Variants in ZNF860 observed in about 807,000 individuals in gnomAD.
ZNF860 encodes zinc finger protein 860.
For synonymous variants in ZNF860, 206 were observed against 248.9 expected (o/e 0.83, Z 1.62); for missense variants, 641 against 759.2 (o/e 0.84, Z 1.83).
At chr3:32,004,257 G>A in the ZNF860 span, among the ~76,000 whole-genome samples, 3 of 152,178 alleles carry the variant, frequency 2.0e-5, no homozygotes, top group South Asian at 4.1e-4. Context: ...TGAGTGTCAG[G>A]TGGAGACTTT....
chr3:32,003,915 G>C, the ZNF860 span, among the ~76,000 whole-genome samples: 1 of 152,124 alleles, frequency 6.6e-6, no homozygotes, highest in African/African-American at 2.4e-5. Flanking sequence ...GGGCTCTTTT[G>C]GACTTGTTCA....
the ZNF860 span, among the ~76,000 whole-genome samples, chr3:32,004,654 CA>C: frequency 1.3e-5 from 2 of 152,170 alleles, no homozygotes; most frequent in Non-Finnish European, 1.5e-5. Context: ...AGTTTTCTTT[CA>C]ACAAAACTAT....
the ZNF860 span, among the ~76,000 whole-genome samples, chr3:32,001,246 T>TC: frequency 4.9e-4 from 75 of 152,282 alleles, no homozygotes; most frequent in Non-Finnish European, 7.9e-4. Flanking sequence ...CCTGGATGTG[T>TC]CCCAAGAGAA....
chr3:31,982,241 C>G (rs1698865404), intron 1 of ZNF860, among the ~76,000 whole-genome samples: 1 of 152,174 alleles, frequency 6.6e-6, no homozygotes, highest in African/African-American at 2.4e-5. Context: ...GCCCCTCTTC[C>G]TACCTAAAGA....
At chr3:31,999,464 G>A in the ZNF860 span, among the ~76,000 whole-genome samples, 6 of 150,148 alleles carry the variant, frequency 4.0e-5, no homozygotes, top group Non-Finnish European at 3.0e-5. Context: ...GGGTTCAAGC[G>A]ATTCTTCTGC....
intron 1 of ZNF860, among the ~76,000 whole-genome samples, chr3:31,984,616 T>C (rs1249851781): frequency 6.6e-6 from 1 of 152,160 alleles, no homozygotes; most frequent in Non-Finnish European, 1.5e-5. Context: ...ATGGGGAGGT[T>C]AGAAATCTTG....
intron 1 of ZNF860, among the ~76,000 whole-genome samples, chr3:31,983,995 A>G (rs1040472478): frequency 6.6e-6 from 1 of 151,974 alleles, no homozygotes; most frequent in Admixed American, 6.6e-5. Context: ...ACTCAAATCA[A>G]TCTCCCTGAA....
chr3:31,997,841 G>A, the ZNF860 span, among the ~76,000 whole-genome samples: 35 of 152,220 alleles, frequency 2.3e-4, no homozygotes, highest in Middle Eastern at 6.8e-3. Context: ...GAGTGGGAGT[G>A]CATTGGCACA....
rs748029616 is a variant in ZNF860 at position 31,989,496 on chromosome 3, C to A, written c.417C>A (p.Asp139Glu). The A allele has an allele frequency of 6.2e-7, 1 of 1,614,152 alleles. No homozygotes were observed. ...TCAAAAAGTTGACTGGTAGCACCGA[C>A]AGATATGATCGAAGGCATCCTGGAA... ...TQIKKLTGST[D>E]RYDRRHPGNK... The change falls in exon 2 of 2, where the codon GAC (aspartate) becomes GAA (glutamate). Residue 139 changes from aspartate (D) to glutamate (E), a missense_variant. Transcript: ENST00000360311.
the ZNF860 span, among the ~76,000 whole-genome samples, chr3:31,997,674 A>C: frequency 6.6e-6 from 1 of 152,156 alleles, no homozygotes; most frequent in Non-Finnish European, 1.5e-5. Flanking sequence ...TGCTTACCAC[A>C]AATTTCATCA....
Position 31,989,355 on chromosome 3 carries a change from T to C in ZNF860, c.276T>C (p.His92=). The C allele has an allele frequency of 6.2e-7, 1 of 1,614,156 alleles. No homozygotes were observed. Among genetic ancestry groups the C allele is most frequent in the Non-Finnish European group, 8.5e-7 (1 of 1,180,016 alleles). Residue 92 remains histidine (H), a synonymous_variant, in exon 2 of 2, where the codon CAT becomes CAC. Transcript: ENST00000360311. ...TEVDTGTLER[H]ESHHIGDFCF... Reference sequence around the variant, plus strand: ...TGGACACAGGGACATTAGAAAGACATGAAAGTCATCACATTGGAGATTTTT... The same window carrying C: ...TGGACACAGGGACATTAGAAAGACACGAAAGTCATCACATTGGAGATTTTT...
At position 31,990,642 on chromosome 3, in the gene ZNF860, A is replaced by G. The variant is rs1699016145; in HGVS notation, c.1563A>G (p.Gln521=). ...KCNECGKVFN[Q]QATLARHHRL... is the part of the protein sequence containing the mutation. ...ATGAATGTGGCAAGGTTTTTAATCA[A>G]CAAGCAACCCTTGCACGTCATCATA... The change falls in exon 2 of 2, where the codon CAA becomes CAG. Residue 521 remains glutamine, a synonymous_variant. Coordinates refer to ENST00000360311, the MANE Select transcript of ZNF860 (RefSeq NM_001137674.3). 4 of 1,614,078 alleles carry G rather than the reference A, an allele frequency of 2.5e-6. No individual in the cohort carries two copies. The highest frequency in any genetic ancestry group is 3.4e-6 in the Non-Finnish European group (4 of 1,179,988).
downstream of ZNF860, among the ~76,000 whole-genome samples, chr3:31,993,435 T>C (rs57035518): frequency 0.35 from 52,542 of 151,744 alleles, 12,728 homozygotes; most frequent in African/African-American, 0.68. Context: ...TTCAAACTCC[T>C]GACCTCAGGT....
In ZNF860 at chr3:31,989,394, T is replaced by G; in HGVS notation, c.315T>G (p.Ile105Met). 6.2e-7 allele frequency: 1 copy of G among 1,614,080 alleles called. No individual in the cohort carries two copies. Among genetic ancestry groups the G allele is most frequent in the Non-Finnish European group, 8.5e-7 (1 of 1,179,998 alleles). Residue 105 changes from isoleucine (I) to methionine (M), a missense_variant, in exon 2 of 2, where the codon ATT (isoleucine) becomes ATG (methionine). By Grantham distance (10) the Ile-to-Met change is conservative. Coordinates refer to ENST00000360311, the MANE Select transcript of ZNF860 (RefSeq NM_001137674.3). ...HHIGDFCFQKIGKDIHDFEFQ... is the reference protein window; with the variant it reads ...HHIGDFCFQKMGKDIHDFEFQ... ...TTGGAGATTTTTGCTTCCAGAAAAT[T>G]GGGAAAGATATTCATGACTTTGAGT... is the stretch of plus-strand genomic sequence containing the variant.
chr3:31,982,918 C>T (rs1267531074), intron 1 of ZNF860, among the ~76,000 whole-genome samples: 2 of 152,184 alleles, frequency 1.3e-5, no homozygotes, highest in Non-Finnish European at 2.9e-5. Flanking sequence ...GGAATGTGAA[C>T]AGAAGTAATG....
chr3:31,999,728 C>T, the ZNF860 span, among the ~76,000 whole-genome samples: 4 of 152,140 alleles, frequency 2.6e-5, no homozygotes, highest in Non-Finnish European at 5.9e-5. Context: ...AATATGGCTG[C>T]CTCTGCTATG....
rs529743590 is a variant in ZNF860, at chr3:31,988,936, C to G, written c.-144C>G. The G allele has an allele frequency of 3.7e-6, 4 of 1,074,662 alleles. No homozygotes were observed. The highest frequency in any genetic ancestry group is 5.3e-5 in the Admixed American group (2 of 37,542). 66.6% of individuals were successfully genotyped at this position (1,074,662 alleles called of 1,614,324 possible). On this transcript the variant is annotated 5_prime_UTR_variant, in exon 2 of 2. Coordinates refer to ENST00000360311, the MANE Select transcript of ZNF860 (RefSeq NM_001137674.3). ...AGTGCCTCCAAACCCCGACCCACAGCGACTGTGAGATAATCAGTGTTTGTT... is the reference window on the plus strand; with the variant it reads ...AGTGCCTCCAAACCCCGACCCACAGGGACTGTGAGATAATCAGTGTTTGTT...
At chr3:32,005,460 C>G in the ZNF860 span, among the ~76,000 whole-genome samples, 2 of 146,216 alleles carry the variant, frequency 1.4e-5, no homozygotes, top group Non-Finnish European at 3.1e-5. Flanking sequence ...GCAAGTTTCT[C>G]TGGAGCATTT....
At chr3:32,005,077 T>C in the ZNF860 span, among the ~76,000 whole-genome samples, 1 of 152,194 alleles carries the variant, frequency 6.6e-6, no homozygotes, top group Non-Finnish European at 1.5e-5. Context: ...TTTATTATTT[T>C]ACTTTAAGTT....
Sources: allele counts gnomAD v4.1 joint callset (sites outside exome capture counted in the v4.1 genomes callset), GRCh38; gene constraint gnomAD v4.1.1; transcripts MANE v1.5; gene names NCBI Gene and HGNC (gene_info 2026-07-23, HGNC 2026-07-21).